The following LARS2 variants were observed in gnomAD, a reference collection of about 807,000 sequenced individuals.
The protein encoded by LARS2 is leucine--tRNA ligase, mitochondrial.
A neutral mutation model predicts 116.6 loss-of-function variants in LARS2; 81 were observed. The observed-to-expected ratio is 0.69, with a 90% CI of 0.58 to 0.84. The LOEUF is 0.84. Ranked by LOEUF, LARS2 falls within the 40% of genes least tolerant of loss-of-function variation. The probability of loss-of-function intolerance (pLI) is 0.00; values close to 1 mark genes in which losing one functional copy is unlikely to be tolerated. For synonymous variants in LARS2, 396 were observed against 407.2 expected (o/e 0.97, Z 0.33); for missense variants, 968 against 1,114.5 (o/e 0.87, Z 1.87).
At chr3:45,534,077 T>C (rs1198713101) in intron 20 of LARS2, among the ~76,000 whole-genome samples, 2 of 152,222 alleles carry the variant, frequency 1.3e-5, no homozygotes, top group African/African-American at 4.8e-5. Flanking sequence ...TTCATTTCAG[T>C]TGCAGTCCTC....
intron 16 of LARS2, among the ~76,000 whole-genome samples, chr3:45,515,172 C>G (rs1700353936): frequency 6.6e-6 from 1 of 152,070 alleles, no homozygotes; most frequent in Non-Finnish European, 1.5e-5. Flanking sequence ...TCACCAGCCA[C>G]TCCTTTTTTC....
At chr3:45,478,771 T>G (rs1699654557) in intron 10 of LARS2, among the ~76,000 whole-genome samples, 1 of 152,234 alleles carries the variant, frequency 6.6e-6, no homozygotes, top group Admixed American at 6.5e-5. Flanking sequence ...TGTCAATATA[T>G]TCAAAATCTC....
At chr3:45,434,069 TG>T (rs1698763857) in intron 6 of LARS2, among the ~76,000 whole-genome samples, 1 of 152,186 alleles carries the variant, frequency 6.6e-6, no homozygotes, top group Non-Finnish European at 1.5e-5. Context: ...TAGATTTCTT[TG>T]GGTTTATCTT....
At chr3:45,403,208 A>G (rs1244054354) in intron 4 of LARS2, among the ~76,000 whole-genome samples, 2 of 152,030 alleles carry the variant, frequency 1.3e-5, no homozygotes, top group Non-Finnish European at 2.9e-5. Flanking sequence ...CACTGTGATA[A>G]AGAATCTAGT....
At chr3:45,431,241 T>C (rs899576574) in intron 6 of LARS2, among the ~76,000 whole-genome samples, 1 of 152,182 alleles carries the variant, frequency 6.6e-6, no homozygotes, top group Admixed American at 6.5e-5. Flanking sequence ...AAAATAAATG[T>C]TTGTTGTTTA....
rs372182532 is a variant in LARS2 at position 45,478,708 on chromosome 3, G to A, written c.1018+2081G>A. ...TATTCCAAATGGAACATTACACTTG[G>A]CAGTAAAATTTTCCAATTCTAATTT... On this transcript the variant is annotated intron_variant, in intron 10 of 21. Transcript: ENST00000645846. Among the ~76,000 whole-genome samples the A allele has an allele frequency of 2.0e-5, 3 of 152,068 alleles. No individual in the cohort carries two copies. The East Asian group carries it at 5.8e-4, about 29-fold the overall frequency.
chr3:45,452,220 T>C (rs1699141676), intron 7 of LARS2, among the ~76,000 whole-genome samples: 1 of 152,202 alleles, frequency 6.6e-6, no homozygotes, highest in African/African-American at 2.4e-5. Context: ...CTTCCAGTAC[T>C]ATGTTGAATA....
At chr3:45,521,130 C>T (rs1157832125) in intron 19 of LARS2, among the ~76,000 whole-genome samples, 1 of 152,012 alleles carries the variant, frequency 6.6e-6, no homozygotes, top group East Asian at 1.9e-4. Flanking sequence ...CAGTGAAACC[C>T]CATCTCTACT....
At position 45,485,680 on chromosome 3, in the gene LARS2, T is replaced by C. The variant is rs769671465; in HGVS notation, c.1019-12T>C. Reference sequence around the variant, plus strand: ...TTGAGTGGCATCCACAGTTATTTGCTCTCATTTTCAGATTGCCTCACGCCT... The same window carrying C: ...TTGAGTGGCATCCACAGTTATTTGCCCTCATTTTCAGATTGCCTCACGCCT... On this transcript the variant is annotated splice_polypyrimidine_tract_variant and intron_variant, in intron 10 of 21. Coordinates refer to ENST00000645846, the MANE Select transcript of LARS2 (RefSeq NM_015340.4). 6.6e-7 allele frequency: 1 copy of C among 1,516,090 alleles called. No individual in the cohort carries two copies. Among genetic ancestry groups the C allele is most frequent in the Non-Finnish European group, 9.1e-7 (1 of 1,102,626 alleles). The allele number at this position is 1,516,090 out of a possible 1,614,324, so 93.9% of individuals were successfully genotyped here.
intron 10 of LARS2, among the ~76,000 whole-genome samples, chr3:45,477,830 A>T (rs1296987528): frequency 6.6e-6 from 1 of 152,220 alleles, no homozygotes; most frequent in Non-Finnish European, 1.5e-5. Context: ...ACCAGAATGA[A>T]ACATTTCCTA....
chr3:45,390,343 T>G (rs1012356808), intron 1 of LARS2, among the ~76,000 whole-genome samples: 1 of 151,902 alleles, frequency 6.6e-6, no homozygotes, highest in Non-Finnish European at 1.5e-5. Flanking sequence ...GACGGAGTCT[T>G]GCCCCGTCGC....
At chr3:45,414,669 C>T (rs535288553) in intron 4 of LARS2, among the ~76,000 whole-genome samples, 1 of 151,704 alleles carries the variant, frequency 6.6e-6, no homozygotes, top group South Asian at 2.1e-4. Context: ...TTCGAGATTA[C>T]GGTGAACTGA....
chr3:45,491,243 T>C (rs1026035785), intron 12 of LARS2, among the ~76,000 whole-genome samples: 2 of 152,218 alleles, frequency 1.3e-5, no homozygotes, highest in Admixed American at 1.3e-4. Flanking sequence ...TAATTTCTTT[T>C]AAAATCAGAA....
chr3:45,397,577 T>A (rs1199611433), intron 3 of LARS2, among the ~76,000 whole-genome samples: 1 of 152,210 alleles, frequency 6.6e-6, no homozygotes, highest in Non-Finnish European at 1.5e-5. Context: ...GCAAGATTGG[T>A]AAATTAAATA....
intron 20 of LARS2, among the ~76,000 whole-genome samples, chr3:45,529,904 C>T (rs1700589415): frequency 6.6e-6 from 1 of 152,166 alleles, no homozygotes; most frequent in East Asian, 1.9e-4. Context: ...GCCCATACAC[C>T]TGGGCCCAGA....
intron 3 of LARS2, 27 bp from the exon 4 acceptor site, chr3:45,400,218 T>A (rs752221165): frequency 6.2e-7 from 1 of 1,606,132 alleles, no homozygotes; most frequent in South Asian, 1.1e-5. Context: ...AAATGCTTAA[T>A]AAATACTCAT....
At chr3:45,412,716 A>T (rs13070212) in intron 4 of LARS2, among the ~76,000 whole-genome samples, 17,636 of 152,250 alleles carry the variant, frequency 0.12, 1,256 homozygotes, top group Middle Eastern at 0.18. Context: ...GAAATGCAGC[A>T]TAGGATGTGG....
chr3:45,466,209 A>G (rs1017213951), intron 8 of LARS2, among the ~76,000 whole-genome samples: 5 of 152,172 alleles, frequency 3.3e-5, no homozygotes, highest in Admixed American at 2.6e-4. Flanking sequence ...TCTTGGGTGT[A>G]CAGGTCTTCT....
chr3:45,422,188 T>C (rs1698524093), intron 6 of LARS2: 1 of 152,242 alleles, frequency 6.6e-6, no homozygotes, highest in South Asian at 2.1e-4. Flanking sequence ...TATTTTCATT[T>C]GTATTTCCTT....
Sources: gnomAD v4.1 joint callset for allele counts (sites outside exome capture counted in the v4.1 genomes callset) on GRCh38, gnomAD v4.1.1 for gene constraint, MANE v1.5 for transcripts, NCBI Gene and HGNC (gene_info 2026-07-23, HGNC 2026-07-21) for gene names.